Variants in NRXN1 observed in about 807,000 individuals in gnomAD.
NRXN1 encodes neurexin-1.
NRXN1 carries 39 observed loss-of-function variants against 150.9 expected under a neutral mutation model. The observed-to-expected ratio is 0.26, with a 90% confidence interval of 0.20 to 0.34. The LOEUF (loss-of-function observed/expected upper bound fraction) is 0.34, where lower values mean the gene tolerates loss of function less well. NRXN1 is among the 10% of genes least tolerant of loss of function. The probability of loss-of-function intolerance (pLI) is 1.00; values close to 1 mark genes in which losing one functional copy is unlikely to be tolerated. For missense variants in NRXN1, 1,815 were observed against 1,949.9 expected (o/e 0.93, Z 1.30); for synonymous variants, 924 against 757.0 (o/e 1.22, Z -3.62).
chr2:50,244,076 C>G (rs949926421), intron 17 of NRXN1, among the ~76,000 whole-genome samples: 3 of 151,770 alleles, frequency 2.0e-5, no homozygotes, highest in African/African-American at 7.2e-5. Flanking sequence ...AATAAATGTT[C>G]TACATTTTCT....
intron 5 of NRXN1, among the ~76,000 whole-genome samples, chr2:50,900,949 G>T (rs1185132597): frequency 6.6e-6 from 1 of 152,136 alleles, no homozygotes; most frequent in African/African-American, 2.4e-5. Flanking sequence ...CAAATGTCAT[G>T]CTGCCAGTGA....
Position 50,237,961 on chromosome 2 carries a change from C to T in NRXN1, c.3365-991G>A, listed in dbSNP as rs370759931. ...GTTTTATAAGTGTTTGACATTTCCT[C>T]CTACACACACTTCTGTCTCTCCTGC... On this transcript the variant is annotated intron_variant, in intron 17 of 22. Coordinates refer to ENST00000401669, the MANE Select transcript of NRXN1 (RefSeq NM_001330078.2). Among the ~76,000 whole-genome samples the T allele has an allele frequency of 9.8e-4, 149 of 152,044 alleles. 1 individual carries two copies. Among genetic ancestry groups the T allele is most frequent in the African/African-American group, 3.4e-3 (143 of 41,516 alleles).
intron 2 of NRXN1, among the ~76,000 whole-genome samples, chr2:51,017,915 G>T (rs971269672): frequency 6.6e-6 from 1 of 152,048 alleles, no homozygotes; most frequent in Non-Finnish European, 1.5e-5. Flanking sequence ...ATGCTGCCAT[G>T]CCAGCTATTT....
intron 17 of NRXN1, among the ~76,000 whole-genome samples, chr2:50,325,605 T>C (rs971270931): frequency 2.0e-5 from 3 of 152,234 alleles, no homozygotes; most frequent in Admixed American, 6.5e-5. Flanking sequence ...ACTCCAAGTC[T>C]ACTGTCTTAT....
chr2:50,488,042 G>C (rs539479543), intron 15 of NRXN1, among the ~76,000 whole-genome samples: 1 of 152,084 alleles, frequency 6.6e-6, no homozygotes, highest in South Asian at 2.1e-4. Flanking sequence ...TAAACATTTG[G>C]GTATCACCTA....
intron 17 of NRXN1, among the ~76,000 whole-genome samples, chr2:50,300,191 G>A (rs754632377): frequency 3.3e-5 from 5 of 152,298 alleles, no homozygotes; most frequent in Middle Eastern, 3.4e-3. Flanking sequence ...AAAAAGAGCC[G>A]TTGTTTCTGA....
At chr2:50,885,781 C>G (rs1680138231) in intron 5 of NRXN1, among the ~76,000 whole-genome samples, 1 of 149,770 alleles carries the variant, frequency 6.7e-6, no homozygotes, top group South Asian at 2.1e-4. Flanking sequence ...TGATAGGTGT[C>G]TTTTTGCTCA....
intron 18 of NRXN1, among the ~76,000 whole-genome samples, chr2:50,205,526 C>T (rs17040199): frequency 0.077 from 11,705 of 151,994 alleles, 570 homozygotes; most frequent in African/African-American, 0.12. Context: ...AGAAATAGGA[C>T]CTTCAAAGTG....
chr2:50,911,233 A>G (rs1274318290), intron 5 of NRXN1, among the ~76,000 whole-genome samples: 1 of 151,824 alleles, frequency 6.6e-6, no homozygotes, highest in Non-Finnish European at 1.5e-5. Flanking sequence ...ATCTATTTCT[A>G]CTTGGAGAAA....
In NRXN1 at chr2:50,386,350, GA is replaced by G. The variant is rs11346295; in HGVS notation, c.3364+79091del. Among the ~76,000 whole-genome samples, 1,106 of 151,998 alleles carry G rather than the reference GA, an allele frequency of 7.3e-3. 20 individuals carry two copies. Among genetic ancestry groups the G allele is most frequent in the African/African-American group, 0.025 (1,050 of 41,470 alleles). On this transcript the variant is annotated intron_variant, in intron 17 of 22. Transcript: ENST00000401669. ...AGTAATATAATTGAAAATTATCTTA[GA>G]TTTTTTTTTCAAATTAAGAGTGATC...
intron 18 of NRXN1, among the ~76,000 whole-genome samples, chr2:50,148,702 C>T (rs1476989222): frequency 6.6e-6 from 1 of 151,730 alleles, no homozygotes; most frequent in East Asian, 1.9e-4. Context: ...CCTGATGCTA[C>T]TGTTCACACT....
chr2:50,179,871 C>T (rs1248811983), intron 18 of NRXN1, among the ~76,000 whole-genome samples: 2 of 152,100 alleles, frequency 1.3e-5, no homozygotes, highest in African/African-American at 4.8e-5. Context: ...GCTGCTCCTC[C>T]TTCCCTTTTC....
At chr2:50,723,750 C>T (rs755429664) in intron 5 of NRXN1, among the ~76,000 whole-genome samples, 5 of 152,168 alleles carry the variant, frequency 3.3e-5, no homozygotes, top group Non-Finnish European at 5.9e-5. Flanking sequence ...ACAACGTGGT[C>T]AGGGTACCAA....
intron 18 of NRXN1, among the ~76,000 whole-genome samples, chr2:50,209,882 T>C (rs924326493): frequency 6.6e-6 from 1 of 152,102 alleles, no homozygotes; most frequent in African/African-American, 2.4e-5. Context: ...TTGTAACCAC[T>C]GTATATATTT....
At chr2:50,680,886 C>G (rs1690280842) in intron 5 of NRXN1, among the ~76,000 whole-genome samples, 1 of 152,104 alleles carries the variant, frequency 6.6e-6, no homozygotes, top group Admixed American at 6.6e-5. Context: ...ATTTATCTCC[C>G]AGGCAAGCAT....
intron 17 of NRXN1, among the ~76,000 whole-genome samples, chr2:50,355,256 C>A (rs1437104797): frequency 7.2e-6 from 1 of 139,468 alleles, no homozygotes; most frequent in East Asian, 2.2e-4. Flanking sequence ...TATATATATA[C>A]ATATATATAC....
intron 5 of NRXN1, among the ~76,000 whole-genome samples, chr2:50,724,814 T>C (rs565020430): frequency 1.1e-4 from 16 of 152,278 alleles, no homozygotes; most frequent in South Asian, 1.0e-3. Context: ...TTAAAAAATA[T>C]TTATTGGGCA....
intron 5 of NRXN1, among the ~76,000 whole-genome samples, chr2:50,702,110 T>C (rs1461345026): frequency 6.6e-6 from 1 of 151,954 alleles, no homozygotes; most frequent in Non-Finnish European, 1.5e-5. Flanking sequence ...AAGGAAAAAA[T>C]AAAAGCATTA....
At chr2:50,548,216 A>C (rs896953182) in intron 9 of NRXN1, 1 of 152,094 alleles carries the variant, frequency 6.6e-6, no homozygotes, top group Non-Finnish European at 1.5e-5. Flanking sequence ...CTGCTCCCTA[A>C]ATGTCTGCAA....
Sources: allele counts gnomAD v4.1 joint callset (sites outside exome capture counted in the v4.1 genomes callset), GRCh38; gene constraint gnomAD v4.1.1; transcripts MANE v1.5; gene names NCBI Gene and HGNC (gene_info 2026-07-23, HGNC 2026-07-21).